Variants in STAU1 observed in about 807,000 individuals in gnomAD.
STAU1 encodes staufen double-stranded RNA binding protein 1, also known as double-stranded RNA-binding protein Staufen homolog 1.
A neutral mutation model predicts 62.9 loss-of-function variants in STAU1; 13 were observed. The observed-to-expected ratio is 0.21, with a 90% CI of 0.13 to 0.33. The LOEUF is 0.33. Among genes scored for constraint, STAU1 ranks in the 10% least tolerant of loss-of-function variants. The probability of loss-of-function intolerance (pLI) is 1.00; values close to 1 mark genes in which losing one functional copy is unlikely to be tolerated. For missense variants in STAU1, 571 were observed against 712.1 expected (o/e 0.80, Z 2.25); for synonymous variants, 269 against 265.1 (o/e 1.01, Z -0.14).
the STAU1 span, among the ~76,000 whole-genome samples, chr20:49,212,641 C>CTTTTTTTT: frequency 6.5e-5 from 1 of 15,476 alleles, no homozygotes; most frequent in Non-Finnish European, 1.5e-4. Flanking sequence ...CAGAGTTTTG[C>CTTTTTTTT]TCTTGTTGCC....
the STAU1 span, among the ~76,000 whole-genome samples, chr20:49,201,918 T>C: frequency 2.6e-5 from 4 of 151,778 alleles, no homozygotes; most frequent in Non-Finnish European, 5.9e-5. Flanking sequence ...GTAACCTAAT[T>C]TTCTACCTTA....
intron 5 of STAU1, among the ~76,000 whole-genome samples, chr20:49,137,120 T>C (rs550930710): frequency 1.3e-5 from 2 of 152,318 alleles, no homozygotes; most frequent in African/African-American, 4.8e-5. Context: ...GCTGTGATCA[T>C]GCCTGTAAAC....
chr20:49,183,301 A>G (rs2146605516), intron 1 of STAU1, among the ~76,000 whole-genome samples: 1 of 152,344 alleles, frequency 6.6e-6, no homozygotes, highest in South Asian at 2.1e-4. Context: ...GAGGGGAGGA[A>G]TTTATATTTC....
the STAU1 span, among the ~76,000 whole-genome samples, chr20:49,203,684 A>G: frequency 6.6e-6 from 1 of 152,080 alleles, no homozygotes; most frequent in South Asian, 2.1e-4. Flanking sequence ...ATATATTTTT[A>G]TTTTATTTAT....
At chr20:49,134,449 A>AAAAAAAAAAAAAAAAAAAAAAAAAATAT in intron 6 of STAU1, 1 of 609,626 alleles carries the variant, frequency 1.6e-6, no homozygotes, top group Non-Finnish European at 2.9e-6. Context: ...AAAAAAAAAA[A>AAAAAAAAAAAAAAAAAAAAAAAAAATAT]GCTCTGGGTT....
At chr20:49,163,419 C>CTTTTT (rs200864480) in intron 3 of STAU1, among the ~76,000 whole-genome samples, 129 of 82,368 alleles carry the variant, frequency 1.6e-3, no homozygotes, top group Non-Finnish European at 1.9e-3. Flanking sequence ...GTGTTTAAAC[C>CTTTTT]TTTTTTTTTT....
Position 49,158,840 on chromosome 20 carries a change from C to T in STAU1, c.206-4769G>A. ...AAAAGCCGGGCGCGGTGGCTCATGCCTGTAATCCCAGCAGATCGCGCCACT... is the reference window on the plus strand; with the variant it reads ...AAAAGCCGGGCGCGGTGGCTCATGCTTGTAATCCCAGCAGATCGCGCCACT... On this transcript the variant is annotated intron_variant, in intron 3 of 13. Coordinates refer to ENST00000371856, the MANE Select transcript of STAU1 (RefSeq NM_017453.4). The T allele has an allele frequency of 3.4e-6, 3 of 871,344 alleles. 1 individual carries two copies. Among genetic ancestry groups the T allele is most frequent in the Non-Finnish European group, 1.6e-6 (1 of 629,324 alleles). 54.0% of individuals were successfully genotyped at this position (871,344 alleles called of 1,614,324 possible). A position where few individuals can be genotyped will look rare whatever the true frequency, so the allele number is the denominator to read the frequency against.
At chr20:49,197,934 C>A in the STAU1 span, among the ~76,000 whole-genome samples, 1 of 152,124 alleles carries the variant, frequency 6.6e-6, no homozygotes, top group South Asian at 2.1e-4. Flanking sequence ...GTCTCTAACT[C>A]CTGGCCTCAA....
At chr20:49,131,000 T>C (rs2092736751) in intron 6 of STAU1, among the ~76,000 whole-genome samples, 1 of 151,546 alleles carries the variant, frequency 6.6e-6, no homozygotes, top group Non-Finnish European at 1.5e-5. Context: ...CCTTCAAACA[T>C]CTCCTCAGAG....
the STAU1 span, among the ~76,000 whole-genome samples, chr20:49,204,080 A>G: frequency 3.9e-5 from 6 of 152,092 alleles, no homozygotes; most frequent in African/African-American, 1.2e-4. Flanking sequence ...CTTACAGAAT[A>G]CTGCAAATGA....
the STAU1 span, among the ~76,000 whole-genome samples, chr20:49,202,230 A>AAAAGAAAG: frequency 5.4e-3 from 704 of 130,372 alleles, 7 homozygotes; most frequent in African/African-American, 0.018. Context: ...AAAAAAAAAA[A>AAAAGAAAG]AAAGAAAGAA....
At chr20:49,195,212 G>A in the STAU1 span, among the ~76,000 whole-genome samples, 2 of 152,118 alleles carry the variant, frequency 1.3e-5, no homozygotes, top group African/African-American at 4.8e-5. Flanking sequence ...TTGAATAGCA[G>A]AATGATTAAC....
the STAU1 span, among the ~76,000 whole-genome samples, chr20:49,209,253 GA>G: frequency 0.35 from 44,647 of 126,962 alleles, 7,448 homozygotes; most frequent in Middle Eastern, 0.48. Context: ...TATCTAAAAA[GA>G]AAAAAAAAAA....
intron 5 of STAU1, among the ~76,000 whole-genome samples, chr20:49,136,547 C>G (rs140178366): frequency 3.5e-4 from 53 of 152,300 alleles, no homozygotes; most frequent in African/African-American, 1.2e-3. Flanking sequence ...CACTGCTGCT[C>G]GGAACAGTGA....
chr20:49,166,321 A>C, intron 2 of STAU1, 36 bp from the exon 3 acceptor site: 1 of 836,014 alleles, frequency 1.2e-6, no homozygotes, highest in South Asian at 1.8e-5. Flanking sequence ...AAAAAGGTAA[A>C]TTATAGAGGA....
At chr20:49,180,163 A>G (rs900107758) in intron 1 of STAU1, among the ~76,000 whole-genome samples, 5 of 152,254 alleles carry the variant, frequency 3.3e-5, no homozygotes, top group African/African-American at 9.6e-5. Flanking sequence ...ATTAGCCACA[A>G]GAGGGATGTT....
the STAU1 span, among the ~76,000 whole-genome samples, chr20:49,206,719 T>TATA: frequency 3.8e-5 from 4 of 106,038 alleles, no homozygotes; most frequent in East Asian, 3.4e-4. Context: ...AAATGAAATT[T>TATA]TATATATATA....
At chr20:49,199,104 C>G in the STAU1 span, among the ~76,000 whole-genome samples, 1 of 150,656 alleles carries the variant, frequency 6.6e-6, no homozygotes, top group Non-Finnish European at 1.5e-5. Context: ...CGAGATCGTG[C>G]CACTGCACTC....
At chr20:49,148,936 A>G (rs2093183250) in intron 5 of STAU1, among the ~76,000 whole-genome samples, 1 of 152,202 alleles carries the variant, frequency 6.6e-6, no homozygotes. Flanking sequence ...ACCATACCTC[A>G]GAATCACTCC....
Sources: allele counts gnomAD v4.1 joint callset (sites outside exome capture counted in the v4.1 genomes callset), GRCh38; gene constraint gnomAD v4.1.1; transcripts MANE v1.5; gene names NCBI Gene and HGNC (gene_info 2026-07-23, HGNC 2026-07-21).